RUFY2: variants seen among roughly 807,000 people sequenced by gnomAD.
The protein encoded by RUFY2 is RUN and FYVE domain-containing protein 2.
RUFY2 carries 49 observed loss-of-function variants against 94.4 expected under a neutral mutation model. That is an observed-to-expected ratio of 0.52 (90% CI 0.41 to 0.66). RUFY2 has a LOEUF of 0.66. Among genes scored for constraint, RUFY2 ranks in the 30% least tolerant of loss-of-function variants. The pLI is 0.00. For synonymous variants in RUFY2, 255 were observed against 235.7 expected (o/e 1.08, Z -0.75); for missense variants, 541 against 692.8 (o/e 0.78, Z 2.46).
At chr10:68,367,124 C>T (rs142922273) in intron 13 of RUFY2, among the ~76,000 whole-genome samples, 6 of 151,326 alleles carry the variant, frequency 4.0e-5, no homozygotes, top group Non-Finnish European at 7.4e-5. Context: ...GCTGAGATTG[C>T]GCCACTGCAT....
At chr10:68,356,089 T>G (rs1193455352) in intron 15 of RUFY2, among the ~76,000 whole-genome samples, 1 of 152,150 alleles carries the variant, frequency 6.6e-6, no homozygotes, top group Non-Finnish European at 1.5e-5. Flanking sequence ...TAGTCACTTG[T>G]AAGAAGTCAG....
At chr10:68,364,739 G>A (rs1054172054) in intron 13 of RUFY2, among the ~76,000 whole-genome samples, 13 of 147,720 alleles carry the variant, frequency 8.8e-5, no homozygotes, top group African/African-American at 3.2e-4. Flanking sequence ...TTTTTTTTCT[G>A]AGACAGGGTC....
Position 68,381,237 on chromosome 10 carries a change from A to C in RUFY2, c.1102T>G (p.Leu368Val), listed in dbSNP as rs1002238532. ...KAINIEMYQK[L>V]QGSEDGLKEK... ...AATTTAAGAACAATCCTTACCTGCA[A>C]CTTTTGATACATCTCTATGTTAATT... The change falls in exon 11 of 18, where the codon TTG (leucine) becomes GTG (valine). Residue 368 changes from leucine (L) to valine (V), a missense_variant. By Grantham distance (32) the Leu-to-Val change is conservative. This residue lies in a region of RUFY2 where 403 missense variants were observed against 480.7 expected (regional missense o/e 0.84). Coordinates refer to ENST00000602465, the MANE Select transcript of RUFY2 (RefSeq NM_001330103.2). 1 of 1,603,242 alleles carries C rather than the reference A, an allele frequency of 6.2e-7. No homozygotes were observed. Among genetic ancestry groups the C allele is most frequent in the Non-Finnish European group, 8.5e-7 (1 of 1,174,580 alleles).
chr10:68,386,209 C>T (rs1048295583), intron 7 of RUFY2, 81 bp from the exon 8 acceptor site: 1 of 1,131,710 alleles, frequency 8.8e-7, no homozygotes, highest in Non-Finnish European at 1.3e-6. Flanking sequence ...CCTAGATTTA[C>T]TATGTTTACT....
intron 13 of RUFY2, among the ~76,000 whole-genome samples, chr10:68,375,049 C>A (rs1214296855): frequency 6.6e-6 from 1 of 151,954 alleles, no homozygotes; most frequent in Non-Finnish European, 1.5e-5. Context: ...ACAACATATA[C>A]TAACATCCTT....
chr10:68,405,529 C>T (rs1164698494), intron 1 of RUFY2: 1 of 799,226 alleles, frequency 1.3e-6, no homozygotes, highest in East Asian at 1.3e-4. Flanking sequence ...GGGCCTCATG[C>T]AAAAGGTAGA....
At chr10:68,363,781 A>G (rs1431240850) in intron 14 of RUFY2, 97 bp from the exon 15 acceptor site, 2 of 907,120 alleles carry the variant, frequency 2.2e-6, no homozygotes, top group Non-Finnish European at 3.2e-6. Context: ...AACATCCTTT[A>G]GCTTTTTAAA....
At chr10:68,370,233 C>T (rs112301371) in intron 13 of RUFY2, among the ~76,000 whole-genome samples, 4 of 151,946 alleles carry the variant, frequency 2.6e-5, no homozygotes, top group African/African-American at 7.2e-5. Flanking sequence ...TGCAGTGAGC[C>T]GAGATTGCAC....
chr10:68,370,357 A>G (rs1188013291), intron 13 of RUFY2, among the ~76,000 whole-genome samples: 2 of 152,090 alleles, frequency 1.3e-5, no homozygotes, highest in Non-Finnish European at 2.9e-5. Context: ...AAAAGAAAAC[A>G]AAGTGTCTCT....
At chr10:68,406,846 C>G (rs1315238633) in intron 1 of RUFY2, 3 of 1,612,400 alleles carry the variant, frequency 1.9e-6, no homozygotes, top group Non-Finnish European at 2.5e-6. Flanking sequence ...CCGCCACCCC[C>G]AAACCTGAAA....
Position 68,404,478 on chromosome 10 carries a change from G to T in RUFY2, c.178+193C>A, listed in dbSNP as rs1046877435. 3.3e-5 allele frequency among the ~76,000 whole-genome samples: 5 copies of T among 152,160 alleles called. No homozygotes were observed. The East Asian group carries it at 9.7e-4, about 29-fold the overall frequency. On this transcript the variant is annotated intron_variant, in intron 2 of 17. Coordinates refer to ENST00000602465, the MANE Select transcript of RUFY2 (RefSeq NM_001330103.2). ...CTGTTTACAAAATATTAACAATTAA[G>T]CATTTTCTGAAGACCATTTATTATT...
Position 68,354,614 on chromosome 10 carries a change from T to C in RUFY2, c.1599+739A>G, listed in dbSNP as rs571142457. Among the ~76,000 whole-genome samples the C allele has an allele frequency of 9.2e-5, 14 of 152,300 alleles. No homozygotes were observed. In the East Asian group the frequency reaches 2.7e-3, roughly 29 times the overall value. ...CATACTGGTAAAGTGTTCCAACCAC[T>C]TTCACACACATGTATTAACCTACTC... On this transcript the variant is annotated intron_variant, in intron 16 of 17. Transcript: ENST00000602465.
In RUFY2 at chr10:68,396,811, G is replaced by GT; in HGVS notation, c.366dup (p.Arg123ThrfsTer12). The GT allele has an allele frequency of 6.2e-7, 1 of 1,613,528 alleles. No homozygotes were observed. Among genetic ancestry groups the GT allele is most frequent in the Non-Finnish European group, 8.5e-7 (1 of 1,179,564 alleles). On this transcript the variant is annotated frameshift_variant, in exon 4 of 18. Transcript: ENST00000602465. LOFTEE classifies it high-confidence loss of function. ...AGATCCCTCTGAATAATTAAGCAAC[G>GT]TAAGTAATCGGCCATTTTTTTTTGC...
intron 1 of RUFY2, 73 bp from the exon 2 acceptor site, chr10:68,404,917 C>A: frequency 1.6e-6 from 2 of 1,275,898 alleles, no homozygotes; most frequent in Non-Finnish European, 2.1e-6. Flanking sequence ...CCATTCCCTT[C>A]CCCTATAAAA....
intron 1 of RUFY2, chr10:68,405,862 A>C: frequency 5.1e-6 from 1 of 194,292 alleles, no homozygotes; most frequent in Non-Finnish European, 9.4e-6. Flanking sequence ...CAGTCTGAAT[A>C]CCAAGTTAAT....
intron 7 of RUFY2, among the ~76,000 whole-genome samples, chr10:68,392,105 C>G (rs1293987021): frequency 1.3e-5 from 2 of 151,498 alleles, no homozygotes; most frequent in Admixed American, 1.3e-4. Context: ...GATCTCGACT[C>G]ACTGCAACCT....
chr10:68,380,112 T>TC (rs1306013447), intron 11 of RUFY2, among the ~76,000 whole-genome samples: 2 of 151,742 alleles, frequency 1.3e-5, no homozygotes, highest in Non-Finnish European at 2.9e-5. Context: ...ACGGCCCTTT[T>TC]TTTTTTTTTT....
At chr10:68,376,472 A>ATG (rs2048671254) in intron 13 of RUFY2, among the ~76,000 whole-genome samples, 4 of 39,912 alleles carry the variant, frequency 1.0e-4, no homozygotes, top group Non-Finnish European at 2.0e-4. Context: ...ATATATATAT[A>ATG]TATATATATA....
At chr10:68,374,479 C>A (rs1158429753) in intron 13 of RUFY2, among the ~76,000 whole-genome samples, 1 of 151,982 alleles carries the variant, frequency 6.6e-6, no homozygotes, top group Admixed American at 6.6e-5. Flanking sequence ...TATTAACAGT[C>A]CTGAATATGT....
Sources: gnomAD v4.1 joint callset for allele counts (sites outside exome capture counted in the v4.1 genomes callset) on GRCh38, gnomAD v4.1.1 for gene constraint, gnomAD v4.1.1 regional missense constraint, MANE v1.5 for transcripts, NCBI Gene and HGNC (gene_info 2026-07-23, HGNC 2026-07-21) for gene names.